Variants in GAB3 observed in about 807,000 individuals in gnomAD.
GAB3 encodes the protein GRB2-associated-binding protein 3.
A neutral mutation model predicts 40.4 loss-of-function variants in GAB3; 12 were observed. The ratio of observed to expected loss-of-function variants is 0.30; its 90% CI spans 0.19 to 0.48. GAB3 has a LOEUF of 0.48. Ranked by LOEUF, GAB3 falls within the 20% of genes least tolerant of loss-of-function variation. The probability of loss-of-function intolerance (pLI) is 0.99; values close to 1 mark genes in which losing one functional copy is unlikely to be tolerated. For synonymous variants in GAB3, 154 were observed against 176.7 expected, an observed-to-expected ratio of 0.87 and a Z score of 1.02; for missense variants, 381 against 461.9, an observed-to-expected ratio of 0.82 and a Z score of 1.61.
intron 8 of GAB3, among the ~76,000 whole-genome samples, chrX:154,681,143 G>T (rs2070368284): frequency 8.9e-6 from 1 of 112,205 alleles, no homozygotes; most frequent in Non-Finnish European, 1.9e-5. Flanking sequence ...TATAGGATAT[G>T]AGTATCTTCA....
At chrX:154,686,519 C>T (rs1198830029) in intron 8 of GAB3, among the ~76,000 whole-genome samples, 1 of 110,597 alleles carries the variant, frequency 9.0e-6, no homozygotes, top group Non-Finnish European at 1.9e-5. Flanking sequence ...ATCTCAAACT[C>T]TTGGGCTCAA....
intron 6 of GAB3, among the ~76,000 whole-genome samples, chrX:154,698,715 G>A (rs1434206423): frequency 1.8e-5 from 2 of 112,038 alleles, no homozygotes; most frequent in East Asian, 5.6e-4. Flanking sequence ...GCAAACCAGA[G>A]AAGCTGCCTG....
intron 9 of GAB3, 103 bp from the exon 10 acceptor site, chrX:154,678,397 T>G: frequency 2.0e-6 from 1 of 509,692 alleles, no homozygotes; most frequent in African/African-American, 2.3e-5. Context: ...TGCCCTTTCC[T>G]CTGTGTGGAA....
intron 6 of GAB3, among the ~76,000 whole-genome samples, chrX:154,697,781 A>G (rs1294494095): frequency 2.7e-5 from 3 of 112,209 alleles, no homozygotes; most frequent in Non-Finnish European, 3.8e-5. Context: ...ACACTCATCT[A>G]TGATTTATCT....
At chrX:154,695,161 C>A (rs1164925354) in intron 8 of GAB3, among the ~76,000 whole-genome samples, 1 of 111,684 alleles carries the variant, frequency 9.0e-6, no homozygotes, top group Admixed American at 9.5e-5. Flanking sequence ...AACAGAAGCT[C>A]TCTCTTGAGT....
rs1557246037 is a variant in GAB3 at position 154,678,202 on chromosome X, C to T, written c.1740G>A (p.Thr580=). The change falls in exon 10 of 10, where the codon ACG becomes ACA. Residue 580 remains threonine (T), a synonymous_variant. Coordinates refer to ENST00000424127, the MANE Select transcript of GAB3 (RefSeq NM_001081573.3). ...QALQSTKQEW[T]DERQSKV ...CTCATACTTTGGATTGCCTTTCATCCGTCCACTCCTGTTTTGTGCTCTGGA... is the reference window on the plus strand; with the variant it reads ...CTCATACTTTGGATTGCCTTTCATCTGTCCACTCCTGTTTTGTGCTCTGGA... 2.5e-6 allele frequency: 3 copies of T among 1,181,708 alleles called. No homozygotes were observed. The highest frequency in any genetic ancestry group is 3.6e-5 in the African/African-American group (2 of 56,322).
chrX:154,716,018 G>A lies in GAB3; in HGVS notation c.376+8C>T. On this transcript the variant is annotated splice_region_variant and intron_variant, in intron 2 of 9. Coordinates refer to ENST00000424127, the MANE Select transcript of GAB3 (RefSeq NM_001081573.3). Reference sequence around the variant, plus strand: ...CTTAGCACATGGGAGCCCCAACTCCGCTCTTACCTGCACCATCCTCCAGGT... The same window carrying A: ...CTTAGCACATGGGAGCCCCAACTCCACTCTTACCTGCACCATCCTCCAGGT... The A allele has an allele frequency of 3.3e-6, 4 of 1,201,281 alleles. No homozygotes were observed. The highest frequency in any genetic ancestry group is 3.6e-5 in the South Asian group (2 of 55,238).
chrX:154,713,309 T>C lies in GAB3; in HGVS notation c.494A>G (p.Asn165Ser), dbSNP rs2070984190. The C allele has an allele frequency of 1.7e-6, 2 of 1,209,702 alleles. No homozygotes were observed. Among genetic ancestry groups the C allele is most frequent in the Non-Finnish European group, 2.2e-6 (2 of 894,216 alleles). Reference protein sequence around the residue: ...SSLPRDDPNTNAVATEETRSE... With the variant: ...SSLPRDDPNTSAVATEETRSE... Reference sequence around the variant, plus strand: ...TCTGGTTTCCTCAGTGGCTACGGCATTAGTGTTTGGGTCATCTCTTGGCAA... The same window carrying C: ...TCTGGTTTCCTCAGTGGCTACGGCACTAGTGTTTGGGTCATCTCTTGGCAA... Residue 165 changes from asparagine to serine, a missense_variant, in exon 3 of 10, where the codon AAT becomes AGT. Physicochemically the swap from Asn to Ser is conservative, Grantham distance 46. Around this residue, in one of 2 missense-constraint regions of GAB3, gnomAD observed 364 missense variants for 421.0 expected, o/e 0.86. Transcript: ENST00000424127.
At position 154,697,848 on chromosome X, in the gene GAB3, G is replaced by A. The variant is rs1004670290; in HGVS notation, c.1346-635C>T. ...TGTATCTGGTTTGTTCACTGCAGTA[G>A]TCTCAGCACCTAGAAAAGCACTTGG... is the stretch of plus-strand genomic sequence containing the variant. On this transcript the variant is annotated intron_variant, in intron 6 of 9. Transcript: ENST00000424127. Among the ~76,000 whole-genome samples, 5 of 112,150 alleles carry A rather than the reference G, an allele frequency of 4.5e-5. No homozygotes were observed. The Admixed American group carries it at 4.7e-4, about 11-fold the overall frequency.
chrX:154,714,870 T>C (rs2071021812), intron 2 of GAB3, among the ~76,000 whole-genome samples: 1 of 112,357 alleles, frequency 8.9e-6, no homozygotes, highest in Non-Finnish European at 1.9e-5. Flanking sequence ...CTGCTTGATT[T>C]GCATAATGTC....
chrX:154,741,911 G>T (rs982401107), intron 1 of GAB3, among the ~76,000 whole-genome samples: 7 of 110,729 alleles, frequency 6.3e-5, no homozygotes, highest in Non-Finnish European at 1.1e-4. Context: ...GGGGGAAACT[G>T]CCCCCATAAT....
chrX:154,747,539 G>A (rs1349746207), intron 1 of GAB3, among the ~76,000 whole-genome samples: 1 of 111,842 alleles, frequency 8.9e-6, no homozygotes, highest in Admixed American at 9.4e-5. Flanking sequence ...ATTGGCTCAC[G>A]CCTGTAATCC....
At chrX:154,679,141 A>G in intron 9 of GAB3, 1 of 339,330 alleles carries the variant, frequency 2.9e-6, no homozygotes, top group South Asian at 2.6e-5. Context: ...TGAGTGACAG[A>G]GTGAGATCTT....
chrX:154,704,288 T>C (rs2070777043), intron 4 of GAB3, among the ~76,000 whole-genome samples: 1 of 110,845 alleles, frequency 9.0e-6, no homozygotes, highest in East Asian at 2.8e-4. Flanking sequence ...GAAGTGGGGA[T>C]GGTTAATAGA....
At chrX:154,725,335 T>G (rs890665968) in intron 1 of GAB3, among the ~76,000 whole-genome samples, 1 of 111,971 alleles carries the variant, frequency 8.9e-6, no homozygotes. Flanking sequence ...TCCAGCCACA[T>G]TAGTGTACTG....
intron 8 of GAB3, among the ~76,000 whole-genome samples, 174 bp downstream of exon 8, chrX:154,695,743 C>T (rs1433644368): frequency 8.9e-6 from 1 of 111,994 alleles, no homozygotes; most frequent in Non-Finnish European, 1.9e-5. Context: ...GAAAGAAAGC[C>T]AACTTCAAAT....
chrX:154,684,433 G>C (rs1194573886), intron 8 of GAB3, among the ~76,000 whole-genome samples: 1 of 111,057 alleles, frequency 9.0e-6, no homozygotes, highest in African/African-American at 3.3e-5. Context: ...TTAATCCAGA[G>C]AATTTGCCTA....
chrX:154,720,710 C>G (rs2148466804), intron 1 of GAB3, among the ~76,000 whole-genome samples: 1 of 107,908 alleles, frequency 9.3e-6, no homozygotes, highest in South Asian at 4.1e-4. Context: ...TTGAAAACTA[C>G]TTAAGTAAAA....
chrX:154,702,952 G>A (rs1201240504), intron 4 of GAB3, among the ~76,000 whole-genome samples: 1 of 111,747 alleles, frequency 8.9e-6, no homozygotes, highest in East Asian at 2.8e-4. Flanking sequence ...ACAATAACAT[G>A]CCATCCCACA....
Sources: allele counts gnomAD v4.1 joint callset (sites outside exome capture counted in the v4.1 genomes callset), GRCh38; gene constraint gnomAD v4.1.1; regional missense constraint gnomAD v4.1.1; transcripts MANE v1.5; gene names NCBI Gene and HGNC (gene_info 2026-07-23, HGNC 2026-07-21).